CNTNAP2: variants seen among roughly 807,000 people sequenced by gnomAD.
The protein encoded by CNTNAP2 is contactin associated protein 2.
A neutral mutation model predicts 155.2 loss-of-function variants in CNTNAP2; 98 were observed. The observed-to-expected ratio is 0.63, with a 90% CI of 0.54 to 0.75. The LOEUF (loss-of-function observed/expected upper bound fraction) is 0.75. CNTNAP2 is among the 30% of genes least tolerant of loss of function. The pLI is 0.00. For missense variants in CNTNAP2, 1,727 were observed against 1,688.1 expected, an observed-to-expected ratio of 1.02 and a Z score of -0.40; for synonymous variants, 651 against 631.2, an observed-to-expected ratio of 1.03 and a Z score of -0.47.
intron 9 of CNTNAP2, among the ~76,000 whole-genome samples, chr7:147,356,259 T>A (rs1796060068): frequency 6.6e-6 from 1 of 152,124 alleles, no homozygotes; most frequent in Non-Finnish European, 1.5e-5. Context: ...AAACTCTCAA[T>A]AAAGTAGGTA....
rs10267014 is a variant in CNTNAP2, at chr7:146,996,756, C to T, written c.403-47151C>T. Reference sequence around the variant, plus strand: ...ACTTCTAGTACCATGTTAATAGAAGCGGTGAAAGCAGATGATATGGTTTGG... The same window carrying T: ...ACTTCTAGTACCATGTTAATAGAAGTGGTGAAAGCAGATGATATGGTTTGG... On this transcript the variant is annotated intron_variant, in intron 3 of 23. Transcript: ENST00000361727. 2.7e-3 allele frequency among the ~76,000 whole-genome samples: 412 copies of T among 152,034 alleles called. 3 individuals carry two copies. Among genetic ancestry groups the T allele is most frequent in the African/African-American group, 9.3e-3 (385 of 41,474 alleles).
intron 17 of CNTNAP2, among the ~76,000 whole-genome samples, chr7:148,161,705 G>C (rs1278523870): frequency 6.6e-6 from 1 of 152,112 alleles, no homozygotes; most frequent in East Asian, 1.9e-4. Flanking sequence ...TTGCTATATT[G>C]AAGTGTCTGT....
intron 21 of CNTNAP2, among the ~76,000 whole-genome samples, chr7:148,375,629 G>T (rs977815470): frequency 1.3e-4 from 20 of 151,164 alleles, no homozygotes; most frequent in Non-Finnish European, 2.7e-4. Context: ...AAAGTGCTGG[G>T]ATTACAGGCG....
At chr7:146,178,684 A>G (rs1798507546) in intron 1 of CNTNAP2, among the ~76,000 whole-genome samples, 1 of 152,152 alleles carries the variant, frequency 6.6e-6, no homozygotes, top group African/African-American at 2.4e-5. Context: ...TTTAGATGAA[A>G]ACAGTACATC....
At chr7:148,309,276 A>T (rs1206312109) in intron 21 of CNTNAP2, among the ~76,000 whole-genome samples, 1 of 152,210 alleles carries the variant, frequency 6.6e-6, no homozygotes, top group African/African-American at 2.4e-5. Flanking sequence ...TGTAGTTCAC[A>T]TCCAGCCCCC....
intron 8 of CNTNAP2, among the ~76,000 whole-genome samples, chr7:147,199,461 A>C (rs1802877933): frequency 6.6e-6 from 1 of 152,232 alleles, no homozygotes; most frequent in Non-Finnish European, 1.5e-5. Flanking sequence ...AAGCTAAAAC[A>C]GTATACTACG....
intron 10 of CNTNAP2, among the ~76,000 whole-genome samples, chr7:147,421,905 G>A (rs979299122): frequency 9.9e-5 from 15 of 151,542 alleles, no homozygotes; most frequent in African/African-American, 3.6e-4. Flanking sequence ...CTCCCTCTTG[G>A]CCTTTTTCCA....
intron 1 of CNTNAP2, among the ~76,000 whole-genome samples, chr7:146,452,569 A>T (rs150847784): frequency 3.8e-4 from 58 of 152,320 alleles, no homozygotes; most frequent in Non-Finnish European, 6.3e-4. Flanking sequence ...CCTCACTGGA[A>T]ATATAAGACA....
At chr7:147,037,651 C>T (rs910824122) in intron 3 of CNTNAP2, among the ~76,000 whole-genome samples, 11 of 151,806 alleles carry the variant, frequency 7.2e-5, no homozygotes, top group African/African-American at 1.2e-4. Context: ...TTGGCAGAGA[C>T]GGGGTTTCAC....
At chr7:147,087,442 G>A (rs1217563994) in intron 4 of CNTNAP2, among the ~76,000 whole-genome samples, 24 of 152,082 alleles carry the variant, frequency 1.6e-4, no homozygotes, top group South Asian at 4.1e-4. Flanking sequence ...TGTGTGTAGC[G>A]AAAGTGGTGA....
At chr7:146,298,742 C>T (rs1363928633) in intron 1 of CNTNAP2, among the ~76,000 whole-genome samples, 1 of 152,218 alleles carries the variant, frequency 6.6e-6, no homozygotes, top group Admixed American at 6.5e-5. Flanking sequence ...TACAGTTCTG[C>T]TCTTGGACAG....
At chr7:147,963,334 T>G (rs957636256) in intron 14 of CNTNAP2, among the ~76,000 whole-genome samples, 3 of 152,128 alleles carry the variant, frequency 2.0e-5, no homozygotes, top group African/African-American at 7.2e-5. Flanking sequence ...TGAGTCAATT[T>G]CTATGGGAAA....
At chr7:146,698,038 A>G (rs1800811412) in intron 1 of CNTNAP2, among the ~76,000 whole-genome samples, 1 of 152,146 alleles carries the variant, frequency 6.6e-6, no homozygotes, top group Non-Finnish European at 1.5e-5. Context: ...TCCACTTTCA[A>G]ATAACTCTAC....
intron 13 of CNTNAP2, among the ~76,000 whole-genome samples, chr7:147,745,853 C>G (rs1186634595): frequency 1.3e-5 from 2 of 152,154 alleles, no homozygotes; most frequent in Non-Finnish European, 2.9e-5. Context: ...TGTTAAGATC[C>G]TTTTCATTTT....
intron 13 of CNTNAP2, chr7:147,831,978 T>A (rs1798553296): frequency 6.6e-6 from 1 of 151,960 alleles, no homozygotes; most frequent in Non-Finnish European, 1.5e-5. Flanking sequence ...ATGTACCCCA[T>A]GAATATATAC....
rs370294398 is a variant in CNTNAP2 at position 146,725,833 on chromosome 7, C to T, written c.98-48438C>T. ...TAGCAAGCTCCCATTGCCAGGTCAC[C>T]CCCTTTCTTCCACCAAATTATCCTT... On this transcript the variant is annotated intron_variant, in intron 1 of 23. Coordinates refer to ENST00000361727, the MANE Select transcript of CNTNAP2 (RefSeq NM_014141.6). Among the ~76,000 whole-genome samples, 259 of 152,218 alleles carry T rather than the reference C, an allele frequency of 1.7e-3. 3 individuals are homozygous for T. Among genetic ancestry groups the T allele is most frequent in the African/African-American group, 6.0e-3 (251 of 41,528 alleles).
chr7:146,398,353 G>A (rs1025706067), intron 1 of CNTNAP2, among the ~76,000 whole-genome samples: 1 of 151,980 alleles, frequency 6.6e-6, no homozygotes, highest in African/African-American at 2.4e-5. Context: ...TCTTCACGTG[G>A]TGGCAAGAAG....
chr7:148,277,042 C>G (rs541037893), intron 21 of CNTNAP2, among the ~76,000 whole-genome samples: 3 of 152,274 alleles, frequency 2.0e-5, no homozygotes, highest in Admixed American at 6.5e-5. Context: ...TAAAAATGTT[C>G]AGTTTCTCGA....
At chr7:146,266,919 A>G (rs1300338934) in intron 1 of CNTNAP2, among the ~76,000 whole-genome samples, 2 of 148,446 alleles carry the variant, frequency 1.3e-5, no homozygotes, top group East Asian at 3.9e-4. Context: ...TTGGGTGTAT[A>G]GCTGCCTTCA....
Sources: allele counts gnomAD v4.1 joint callset (sites outside exome capture counted in the v4.1 genomes callset), GRCh38; gene constraint gnomAD v4.1.1; transcripts MANE v1.5; gene names NCBI Gene and HGNC (gene_info 2026-07-23, HGNC 2026-07-21).